UBR3: variants seen among roughly 807,000 people sequenced by gnomAD.
The protein encoded by UBR3 is E3 ubiquitin-protein ligase UBR3.
UBR3 carries 85 observed loss-of-function variants against 243.2 expected under a neutral mutation model. That is an observed-to-expected ratio of 0.35 (90% CI 0.29 to 0.42). The LOEUF is 0.42. Ranked by LOEUF, UBR3 falls within the 10% of genes least tolerant of loss-of-function variation. The pLI, the probability that UBR3 is intolerant of heterozygous loss-of-function variation, is 1.00. For missense variants in UBR3, 1,686 were observed against 2,300.8 expected (o/e 0.73, Z 5.47); for synonymous variants, 748 against 799.8 (o/e 0.94, Z 1.09).
At chr2:169,863,306 A>G (rs527713183) in intron 1 of UBR3, among the ~76,000 whole-genome samples, 4 of 152,350 alleles carry the variant, frequency 2.6e-5, no homozygotes, top group African/African-American at 9.6e-5. Flanking sequence ...TTACATGAGT[A>G]TGTTCATTTA....
intron 35 of UBR3, among the ~76,000 whole-genome samples, chr2:170,070,289 A>G (rs1174744137): frequency 6.6e-6 from 1 of 152,208 alleles, no homozygotes; most frequent in East Asian, 1.9e-4. Flanking sequence ...AGCATTTAAC[A>G]AAATCTAATG....
chr2:169,845,919 G>C (rs1029481714), intron 1 of UBR3, among the ~76,000 whole-genome samples: 3 of 152,208 alleles, frequency 2.0e-5, no homozygotes, highest in African/African-American at 7.2e-5. Context: ...TAGTGAGATA[G>C]CATACTTATA....
intron 23 of UBR3, among the ~76,000 whole-genome samples, chr2:169,952,039 A>G (rs913682436): frequency 6.6e-6 from 1 of 152,204 alleles, no homozygotes; most frequent in African/African-American, 2.4e-5. Flanking sequence ...AGTCAGATAT[A>G]GGGTTTAAAA....
At chr2:170,064,803 ATTTTTTTT>A in intron 35 of UBR3, among the ~76,000 whole-genome samples, 11 of 87,878 alleles carry the variant, frequency 1.3e-4, no homozygotes, top group African/African-American at 2.2e-4. Context: ...TGCTTTTTCT[ATTTTTTTT>A]TTTTTTTTTT....
chr2:169,842,349 C>T (rs916401631), intron 1 of UBR3, among the ~76,000 whole-genome samples: 2 of 152,148 alleles, frequency 1.3e-5, no homozygotes, highest in Non-Finnish European at 1.5e-5. Flanking sequence ...CACCAATCAG[C>T]GCCCTGACAA....
chr2:170,023,138 G>GTT, intron 30 of UBR3, among the ~76,000 whole-genome samples: 1 of 149,648 alleles, frequency 6.7e-6, no homozygotes, highest in African/African-American at 2.5e-5. Context: ...GGCTAGTTGA[G>GTT]TTTTTTTTTT....
At chr2:170,065,453 G>GT (rs1212159412) in intron 35 of UBR3, among the ~76,000 whole-genome samples, 1 of 151,830 alleles carries the variant, frequency 6.6e-6, no homozygotes, top group Non-Finnish European at 1.5e-5. Context: ...CACCCGACTA[G>GT]TTTTTTTGTA....
chr2:170,042,688 CAAAAA>C (rs59694680), intron 32 of UBR3, among the ~76,000 whole-genome samples: 1 of 91,588 alleles, frequency 1.1e-5, no homozygotes, highest in Non-Finnish European at 2.0e-5. Flanking sequence ...TACTCTGCCT[CAAAAA>C]AAAAAAAAAA....
intron 18 of UBR3, among the ~76,000 whole-genome samples, chr2:169,932,343 G>C (rs1242041700): frequency 1.3e-5 from 2 of 152,146 alleles, no homozygotes; most frequent in Non-Finnish European, 2.9e-5. Context: ...TGCCCAAAGT[G>C]CTGGGATTAC....
chr2:169,865,993 T>G (rs1027032777), intron 1 of UBR3, among the ~76,000 whole-genome samples: 5 of 151,616 alleles, frequency 3.3e-5, no homozygotes, highest in Non-Finnish European at 7.4e-5. Context: ...CTACTAAAAA[T>G]ACAAAAATGT....
intron 8 of UBR3, among the ~76,000 whole-genome samples, chr2:169,904,621 T>G (rs2084947963): frequency 6.6e-6 from 1 of 152,140 alleles, no homozygotes; most frequent in African/African-American, 2.4e-5. Flanking sequence ...AAATATTGTT[T>G]GCTAAAGATT....
intron 5 of UBR3, among the ~76,000 whole-genome samples, chr2:169,887,227 T>G: frequency 6.6e-6 from 1 of 152,240 alleles, no homozygotes; most frequent in East Asian, 1.9e-4. Flanking sequence ...GAAACACATG[T>G]AGCAATAGTG....
intron 1 of UBR3, among the ~76,000 whole-genome samples, chr2:169,842,730 G>A (rs551178281): frequency 1.5e-4 from 23 of 152,206 alleles, no homozygotes; most frequent in Non-Finnish European, 2.8e-4. Context: ...AAGAAACTCC[G>A]AACACATCTG....
At chr2:169,836,621 A>G (rs1176646315) in intron 1 of UBR3, among the ~76,000 whole-genome samples, 3 of 151,312 alleles carry the variant, frequency 2.0e-5, no homozygotes, top group Non-Finnish European at 4.4e-5. Context: ...CATCCTGCAC[A>G]TGTAATTCAG....
At chr2:169,948,244 CCACTGTATTA>C (rs1373444644) in intron 22 of UBR3, among the ~76,000 whole-genome samples, 1 of 151,766 alleles carries the variant, frequency 6.6e-6, no homozygotes, top group Non-Finnish European at 1.5e-5. Flanking sequence ...TTCATCATTG[CCACTGTATTA>C]CTAACATCTT....
intron 26 of UBR3, among the ~76,000 whole-genome samples, chr2:169,995,485 C>G (rs1412214441): frequency 1.3e-5 from 2 of 152,160 alleles, no homozygotes; most frequent in East Asian, 3.8e-4. Flanking sequence ...GAATTTAACT[C>G]TTGTTTATAT....
chr2:169,930,902 C>G (rs2086096616), intron 18 of UBR3, among the ~76,000 whole-genome samples: 1 of 152,086 alleles, frequency 6.6e-6, no homozygotes, highest in Non-Finnish European at 1.5e-5. Context: ...CCTAAAGTGG[C>G]CCCTGTTATA....
chr2:169,895,851 C>T lies in UBR3; in HGVS notation c.1236+540C>T, dbSNP rs1332628196. On this transcript the variant is annotated intron_variant, in intron 7 of 38. Transcript: ENST00000272793. The stretch of plus-strand genomic sequence containing the variant: ...CTATCTTACGGTTATGGCAAAATGA[C>T]GAAGCTCGGTGTATGAAAAGAAAAT... Among the ~76,000 whole-genome samples, 17 of 151,860 alleles carry T rather than the reference C, an allele frequency of 1.1e-4. No individual in the cohort carries two copies. The East Asian group carries it at 2.9e-3, about 26-fold the overall frequency.
chr2:169,988,515 C>T (rs2089130986), intron 25 of UBR3, among the ~76,000 whole-genome samples: 1 of 152,070 alleles, frequency 6.6e-6, no homozygotes, highest in South Asian at 2.1e-4. Context: ...AAATAAGAAA[C>T]TAATATTGCC....
Sources: gnomAD v4.1 joint callset for allele counts (sites outside exome capture counted in the v4.1 genomes callset) on GRCh38, gnomAD v4.1.1 for gene constraint, MANE v1.5 for transcripts, NCBI Gene and HGNC (gene_info 2026-07-23, HGNC 2026-07-21) for gene names.